Variants in AMDHD2 observed in about 807,000 individuals in gnomAD.
AMDHD2 encodes the protein N-acetylglucosamine-6-phosphate deacetylase.
A neutral mutation model predicts 41.8 loss-of-function variants in AMDHD2; 24 were observed. The observed-to-expected ratio is 0.57, with a 90% CI of 0.42 to 0.81. The LOEUF (loss-of-function observed/expected upper bound fraction) is 0.81, where lower values mean the gene tolerates loss of function less well. Ranked by LOEUF, AMDHD2 falls within the 30% of genes least tolerant of loss-of-function variation. The probability of loss-of-function intolerance (pLI) is 0.00; values close to 1 mark genes in which losing one functional copy is unlikely to be tolerated. For synonymous variants in AMDHD2, 332 were observed against 255.5 expected (o/e 1.30, Z -2.85); for missense variants, 540 against 588.5 (o/e 0.92, Z 0.85).
chr16:2,527,739 G>A lies in AMDHD2; in HGVS notation c.416-34G>A. On this transcript the variant is annotated intron_variant, in intron 4 of 10. Transcript: ENST00000293971. The surrounding 1 kb of genome is among the most constrained non-coding windows in gnomAD (Gnocchi z 6.1). Reference sequence around the variant, plus strand: ...AGGTGATAAGGGCTGGGTGGGGCAGGGACCTGCTGGAGCCACTTGCTCCCT... The same window carrying A: ...AGGTGATAAGGGCTGGGTGGGGCAGAGACCTGCTGGAGCCACTTGCTCCCT... 3 of 1,551,576 alleles carry A rather than the reference G, an allele frequency of 1.9e-6. No individual in the cohort carries two copies. Among genetic ancestry groups the A allele is most frequent in the Non-Finnish European group, 2.6e-6 (3 of 1,151,468 alleles).
chr16:2,528,199 C>T (rs1446535524), intron 6 of AMDHD2, 37 bp from the exon 7 acceptor site: 3 of 1,611,964 alleles, frequency 1.9e-6, no homozygotes, highest in Admixed American at 1.7e-5. Context: ...GCAGCCCCTG[C>T]TGTCGCTCAG....
At chr16:2,523,600 A>T (rs1051498450) in intron 3 of AMDHD2, among the ~76,000 whole-genome samples, 2 of 152,028 alleles carry the variant, frequency 1.3e-5, no homozygotes, top group Non-Finnish European at 1.5e-5. Flanking sequence ...TTAGCCATGG[A>T]TGTCTTTTTG....
chr16:2,525,699 C>T (rs929828334), intron 3 of AMDHD2, among the ~76,000 whole-genome samples: 2 of 152,164 alleles, frequency 1.3e-5, no homozygotes, highest in Non-Finnish European at 2.9e-5. Flanking sequence ...TGCTCGCCAC[C>T]ACGCACGGCT....
rs753486876 is a variant in AMDHD2, at chr16:2,531,045, T to C, written c.*1482T>C. The stretch of plus-strand genomic sequence containing the variant: ...GGTTGAGCATCGCCTGTGCCCAGCT[T>C]GCTGGCTGTCAGTGCTTGATGTGCC... On this transcript the variant is annotated 3_prime_UTR_variant, in exon 11 of 11. Transcript: ENST00000293971. 5.3e-5 allele frequency: 84 copies of C among 1,597,718 alleles called. No homozygotes were observed. The highest frequency in any genetic ancestry group is 8.6e-7 in the Non-Finnish European group (1 of 1,167,910).
rs1199045759 is a variant in AMDHD2 at position 2,525,471 on chromosome 16, A to G, written c.361-2090A>G. ...AACCTCTGCCTCCTGGGTTCAAGCA[A>G]TTCTCCTACCTCAGCCTCCTGAGTA... On this transcript the variant is annotated intron_variant, in intron 3 of 10. Transcript: ENST00000293971. Among the ~76,000 whole-genome samples, 5 of 151,846 alleles carry G rather than the reference A, an allele frequency of 3.3e-5. No individual in the cohort carries two copies. The East Asian group carries it at 5.8e-4, about 18-fold the overall frequency.
In AMDHD2 at chr16:2,530,852, C is replaced by G. The variant is rs779577686; in HGVS notation, c.*1289C>G. The G allele has an allele frequency of 1.9e-6, 3 of 1,613,652 alleles. No individual in the cohort carries two copies. Among genetic ancestry groups the G allele is most frequent in the Non-Finnish European group, 2.5e-6 (3 of 1,179,984 alleles). ...GCAGGCGACGGATGTGGATCCTGAC[C>G]TCCTGAGAGGTGTGAGGTGCAGGGA... On this transcript the variant is annotated 3_prime_UTR_variant, in exon 11 of 11. Coordinates refer to ENST00000293971, the MANE Select transcript of AMDHD2 (RefSeq NM_001330449.2).
chr16:2,528,290 G>T lies in AMDHD2; in HGVS notation c.772G>T (p.Ala258Ser), dbSNP rs755025326. Residue 258 changes from alanine to serine, a missense_variant, in exon 7 of 11, where the codon GCA (alanine) becomes TCA (serine). By Grantham distance (99) the Ala-to-Ser change is moderately conservative. Coordinates refer to ENST00000293971, the MANE Select transcript of AMDHD2 (RefSeq NM_001330449.2). The part of the protein sequence containing the change: ...VGLLTSDRLP[A>S]GRCIFYGMIA... ...GCTCCTGACCAGCGACCGGCTGCCC[G>T]CAGGCCGCTGCATCTTCTATGGGAT... is the stretch of plus-strand genomic sequence containing the variant. The T allele has an allele frequency of 3.7e-6, 6 of 1,612,360 alleles. No individual in the cohort carries two copies. In the Middle Eastern group the frequency reaches 5.0e-4, roughly 133 times the overall value.
intron 3 of AMDHD2, among the ~76,000 whole-genome samples, chr16:2,524,008 T>C (rs1785208015): frequency 6.6e-6 from 1 of 152,200 alleles, no homozygotes; most frequent in South Asian, 2.1e-4. Context: ...GGACTTTGTT[T>C]TCTTCCCAGC....
At position 2,530,486 on chromosome 16, in the gene AMDHD2, C is replaced by G; in HGVS notation, c.*923C>G. ...TGAGGACAGCCACAGTGGGGTCAGA[C>G]GTCAGGGATTGGTGCAGCCCCACGT... is the stretch of plus-strand genomic sequence containing the variant. On this transcript the variant is annotated 3_prime_UTR_variant, in exon 11 of 11. Transcript: ENST00000293971. The G allele has an allele frequency of 6.2e-7, 1 of 1,614,134 alleles. No individual in the cohort carries two copies. Among genetic ancestry groups the G allele is most frequent in the Non-Finnish European group, 8.5e-7 (1 of 1,179,988 alleles).
Position 2,520,799 on chromosome 16 carries a change from C to T in AMDHD2, c.114C>T (p.Ile38=), listed in dbSNP as rs1470157276. The T allele has an allele frequency of 2.5e-6, 4 of 1,608,550 alleles. No homozygotes were observed. Among genetic ancestry groups the T allele is most frequent in the Non-Finnish European group, 3.4e-6 (4 of 1,178,640 alleles). The change falls in exon 2 of 11, where the codon ATC becomes ATT. Residue 38 remains isoleucine (I), a synonymous_variant. Coordinates refer to ENST00000293971, the MANE Select transcript of AMDHD2 (RefSeq NM_001330449.2). ...REDLWVRGGR[I]LDPEKLFFEE... ...ATCTGTGGGTGCGCGGAGGCCGCATCTTGGACCCAGAGAAGCTGTTCTTTG... is the reference window on the plus strand; with the variant it reads ...ATCTGTGGGTGCGCGGAGGCCGCATTTTGGACCCAGAGAAGCTGTTCTTTG...
At position 2,530,813 on chromosome 16, in the gene AMDHD2, G is replaced by A. The variant is rs773196779; in HGVS notation, c.*1250G>A. The A allele has an allele frequency of 1.9e-6, 3 of 1,613,766 alleles. No individual in the cohort carries two copies. The highest frequency in any genetic ancestry group is 4.5e-5 in the East Asian group (2 of 44,880). On this transcript the variant is annotated 3_prime_UTR_variant, in exon 11 of 11. Coordinates refer to ENST00000293971, the MANE Select transcript of AMDHD2 (RefSeq NM_001330449.2). ...TTGATCTCAGCCCACAAGCCCCAGG[G>A]GCAGCCCAGGAAAGCAGGCGACGGA... is the stretch of plus-strand genomic sequence containing the variant.
Position 2,520,924 on chromosome 16 carries a change from A to G in AMDHD2, c.220+19A>G, listed in dbSNP as rs576092968. ...ATCAACGGTGCGGCCCGGGGCCGGC[A>G]GGGGAACCCAGGGGAGGAGCTCTGA... On this transcript the variant is annotated intron_variant, in intron 2 of 10. Coordinates refer to ENST00000293971, the MANE Select transcript of AMDHD2 (RefSeq NM_001330449.2). The G allele has an allele frequency of 3.1e-5, 49 of 1,595,768 alleles. 2 individuals carry two copies. In the Middle Eastern group the frequency reaches 5.0e-4, roughly 16 times the overall value.
rs1567132148 is a variant in AMDHD2, at chr16:2,528,219, C to T, written c.718-17C>T. 1.9e-6 allele frequency: 3 copies of T among 1,611,924 alleles called. No homozygotes were observed. The highest frequency in any genetic ancestry group is 1.7e-6 in the Non-Finnish European group (2 of 1,179,820). On this transcript the variant is annotated splice_polypyrimidine_tract_variant and intron_variant, in intron 6 of 10. Transcript: ENST00000293971. The stretch of plus-strand genomic sequence containing the variant: ...CCCTGCTGTCGCTCAGCCATCCCTT[C>T]CCTCGCCCCTGCCCAGTTCCACCAC...
At chr16:2,522,697 A>G (rs1391739822) in intron 3 of AMDHD2, among the ~76,000 whole-genome samples, 1 of 151,874 alleles carries the variant, frequency 6.6e-6, no homozygotes, top group Non-Finnish European at 1.5e-5. Flanking sequence ...AGTTTTTTGT[A>G]GAGACAGGGA....
Position 2,528,060 on chromosome 16 carries a change from G to A in AMDHD2, c.629G>A (p.Gly210Glu). Residue 210 changes from glycine to glutamate, a missense_variant and splice_region_variant, in exon 6 of 11, where the codon GGG becomes GAG. Physicochemically the swap from Gly to Glu is moderately conservative, Grantham distance 98 (BLOSUM62 -2). Coordinates refer to ENST00000293971, the MANE Select transcript of AMDHD2 (RefSeq NM_001330449.2). ...CAAAGTCTGAATCCAGGTCCCGCAG[G>A]GCACTCAGTGGCTGACCTGCGGGCG... ...LTARGICVSL[G>E]HSVADLRAAE... is the part of the protein sequence containing the mutation. The A allele has an allele frequency of 6.2e-7, 1 of 1,612,882 alleles. No individual in the cohort carries two copies. Among genetic ancestry groups the A allele is most frequent in the South Asian group, 1.1e-5 (1 of 91,084 alleles).
At position 2,531,400 on chromosome 16, in the gene AMDHD2, C is replaced by G. The variant is rs1002868224; in HGVS notation, c.*1837C>G. On this transcript the variant is annotated 3_prime_UTR_variant, in exon 11 of 11. Transcript: ENST00000293971. ...TTAAAAATTGTGGTAAAATACATAA[C>G]AAAAGTAACTATCGTAACCTGAGCA... The G allele has an allele frequency of 4.9e-5, 25 of 505,890 alleles. No homozygotes were observed. The highest frequency in any genetic ancestry group is 5.1e-4 in the Middle Eastern group (1 of 1,950). 31.3% of individuals were successfully genotyped at this position (505,890 alleles called of 1,614,324 possible).
At chr16:2,521,967 G>A (rs1596990158) in intron 3 of AMDHD2, among the ~76,000 whole-genome samples, 1 of 151,842 alleles carries the variant, frequency 6.6e-6, no homozygotes. Context: ...TGTATTTTTC[G>A]TAGAGACGGG....
intron 3 of AMDHD2, among the ~76,000 whole-genome samples, chr16:2,522,676 CAA>C (rs895398130): frequency 7.1e-6 from 1 of 140,356 alleles, no homozygotes; most frequent in African/African-American, 2.6e-5. Flanking sequence ...GACTCCATCT[CAA>C]AAAAAAAAAG....
intron 3 of AMDHD2, among the ~76,000 whole-genome samples, chr16:2,524,386 C>T (rs1290923723): frequency 6.6e-6 from 1 of 152,194 alleles, no homozygotes; most frequent in Non-Finnish European, 1.5e-5. Flanking sequence ...AGGTGAGGCA[C>T]CTCCAGGGGG....
Sources: allele counts gnomAD v4.1 joint callset (sites outside exome capture counted in the v4.1 genomes callset), GRCh38; gene constraint gnomAD v4.1.1; non-coding constraint Gnocchi (gnomAD v3.1); transcripts MANE v1.5; gene names NCBI Gene and HGNC (gene_info 2026-07-23, HGNC 2026-07-21).